The following NCOA6 variants were observed in gnomAD, a reference collection of about 807,000 sequenced individuals.
NCOA6 encodes the protein NRC RAP250.
In NCOA6, 49 loss-of-function variants were observed where a neutral mutation model predicts 171.4. The ratio of observed to expected loss-of-function variants is 0.29; its 90% confidence interval spans 0.23 to 0.36. NCOA6 has a LOEUF of 0.36. Ranked by LOEUF, NCOA6 falls within the 10% of genes least tolerant of loss-of-function variation. The probability of loss-of-function intolerance (pLI) is 1.00; values close to 1 mark genes in which losing one functional copy is unlikely to be tolerated. For synonymous variants in NCOA6, 910 were observed against 927.5 expected, an observed-to-expected ratio of 0.98 and a Z score of 0.34; for missense variants, 2,248 against 2,554.5, an observed-to-expected ratio of 0.88 and a Z score of 2.59.
rs2076121256 is a variant in NCOA6, at chr20:34,740,934, C to T, written c.5322G>A (p.Gln1774=). ...TGTTCTGATCTGCTGAGGTGTTCAC[C>T]TGAGGGCTAGCCTCATCTGGATTCA... ...KELNPDEASP[Q]VNTSADQNTL... is the part of the protein sequence containing the mutation. The change falls in exon 11 of 15, where the codon CAG becomes CAA. Residue 1774 remains glutamine, a synonymous_variant. Coordinates refer to ENST00000359003, the MANE Select transcript of NCOA6 (RefSeq NM_014071.5). The T allele has an allele frequency of 6.2e-7, 1 of 1,614,022 alleles. No individual in the cohort carries two copies. Among genetic ancestry groups the T allele is most frequent in the Non-Finnish European group, 8.5e-7 (1 of 1,180,034 alleles).
At chr20:34,761,268 T>C (rs1208271417) in intron 5 of NCOA6, among the ~76,000 whole-genome samples, 1 of 152,204 alleles carries the variant, frequency 6.6e-6, no homozygotes, top group African/African-American at 2.4e-5. Context: ...TAATTTTCAG[T>C]TGGTGTTCTT....
intron 1 of NCOA6, among the ~76,000 whole-genome samples, chr20:34,800,872 A>C (rs2146459008): frequency 6.6e-6 from 1 of 152,294 alleles, no homozygotes; most frequent in East Asian, 1.9e-4. Context: ...ACTTAATAAG[A>C]TATTTACAGA....
chr20:34,785,927 TGCTG>T (rs1031976721), intron 2 of NCOA6, among the ~76,000 whole-genome samples: 2 of 151,150 alleles, frequency 1.3e-5, no homozygotes, highest in African/African-American at 4.9e-5. Context: ...TATGAAAAAT[TGCTG>T]GCTTTCCCTC....
chr20:34,823,246 G>A (rs1601184343), intron 1 of NCOA6, among the ~76,000 whole-genome samples: 1 of 152,078 alleles, frequency 6.6e-6, no homozygotes, highest in African/African-American at 2.4e-5. Flanking sequence ...GGCTGGGCGC[G>A]GTGGCTCACG....
At chr20:34,726,360 C>T (rs1025200127) in intron 14 of NCOA6, among the ~76,000 whole-genome samples, 1 of 151,810 alleles carries the variant, frequency 6.6e-6, no homozygotes, top group African/African-American at 2.4e-5. Flanking sequence ...AGGGTCTCTA[C>T]CAAGAGAGAG....
chr20:34,754,629 A>C, intron 8 of NCOA6, 93 bp downstream of exon 8: 1 of 1,466,740 alleles, frequency 6.8e-7, no homozygotes, highest in Non-Finnish European at 9.4e-7. Context: ...GGAGAGACCA[A>C]GACTTATTAC....
intron 5 of NCOA6, among the ~76,000 whole-genome samples, chr20:34,759,624 A>C (rs2076757418): frequency 6.6e-6 from 1 of 151,974 alleles, no homozygotes; most frequent in South Asian, 2.1e-4. Flanking sequence ...TTTTTCACTT[A>C]ATGTATTTTT....
chr20:34,765,115 C>T (rs1258474446), intron 5 of NCOA6, among the ~76,000 whole-genome samples: 1 of 145,752 alleles, frequency 6.9e-6, no homozygotes, highest in Non-Finnish European at 1.5e-5. Context: ...AGTGAGACTG[C>T]TTCACAAGAA....
chr20:34,723,750 G>A (rs1285531976), intron 14 of NCOA6, among the ~76,000 whole-genome samples: 1 of 152,158 alleles, frequency 6.6e-6, no homozygotes, highest in Non-Finnish European at 1.5e-5. Context: ...CTTCTTGGCT[G>A]GTAGTTCTCT....
chr20:34,808,116 C>T (rs984416671), intron 1 of NCOA6, among the ~76,000 whole-genome samples: 33 of 151,376 alleles, frequency 2.2e-4, no homozygotes, highest in Admixed American at 1.3e-4. Context: ...TGCCACTGCA[C>T]TGCAGCCTGG....
At chr20:34,796,563 A>C (rs1313582415) in intron 1 of NCOA6, among the ~76,000 whole-genome samples, 1 of 152,176 alleles carries the variant, frequency 6.6e-6, no homozygotes, top group Non-Finnish European at 1.5e-5. Flanking sequence ...CAGAGATTAC[A>C]GCGAGCTGTG....
intron 1 of NCOA6, among the ~76,000 whole-genome samples, chr20:34,802,791 G>C (rs897640523): frequency 6.6e-6 from 1 of 152,154 alleles, no homozygotes; most frequent in African/African-American, 2.4e-5. Context: ...AAGGCAAAAT[G>C]CAAGTTGAGA....
Position 34,742,838 on chromosome 20 carries a change from C to T in NCOA6, c.3418G>A (p.Ala1140Thr). 1 of 1,614,198 alleles carries T rather than the reference C, an allele frequency of 6.2e-7. No homozygotes were observed. The highest frequency in any genetic ancestry group is 1.1e-5 in the South Asian group (1 of 91,082). The change falls in exon 11 of 15, where the codon GCA becomes ACA. Residue 1140 changes from alanine to threonine, a missense_variant. By Grantham distance (58) the Ala-to-Thr change is moderately conservative (BLOSUM62 0). This residue lies in a region of NCOA6 where 352 missense variants were observed against 419.1 expected (regional missense o/e 0.84). Coordinates refer to ENST00000359003, the MANE Select transcript of NCOA6 (RefSeq NM_014071.5). ...ASLPEASGSEAPSVPGGPNNM... is the reference protein window; with the variant it reads ...ASLPEASGSETPSVPGGPNNM... Reference sequence around the variant, plus strand: ...TTTGGGCCTCCTGGGACAGATGGTGCTTCACTGCCACTTGCTTCAGGGAGT... The same window carrying T: ...TTTGGGCCTCCTGGGACAGATGGTGTTTCACTGCCACTTGCTTCAGGGAGT...
chr20:34,790,512 G>A (rs377361250), intron 2 of NCOA6, among the ~76,000 whole-genome samples: 4 of 151,932 alleles, frequency 2.6e-5, no homozygotes, highest in African/African-American at 7.2e-5. Context: ...CCACCACTAC[G>A]CCCAGCTAAT....
chr20:34,823,909 C>A (rs2079080362), intron 1 of NCOA6, among the ~76,000 whole-genome samples: 1 of 152,130 alleles, frequency 6.6e-6, no homozygotes, highest in African/African-American at 2.4e-5. Context: ...TCTGCCAGCT[C>A]CTGGGCTCAA....
chr20:34,715,466 C>A (rs551925365), intron 14 of NCOA6, 101 bp from the exon 15 acceptor site: 2 of 839,572 alleles, frequency 2.4e-6, no homozygotes, highest in South Asian at 2.9e-5. Context: ...GGGAGCCCTA[C>A]TCAACTCAGA....
At chr20:34,800,583 A>G (rs983259541) in intron 1 of NCOA6, among the ~76,000 whole-genome samples, 5 of 152,228 alleles carry the variant, frequency 3.3e-5, no homozygotes, top group Admixed American at 6.5e-5. Context: ...GACAAAATGG[A>G]TTTCAAGACA....
At chr20:34,723,630 C>A (rs551761273) in intron 14 of NCOA6, among the ~76,000 whole-genome samples, 1 of 152,180 alleles carries the variant, frequency 6.6e-6, no homozygotes, top group Non-Finnish European at 1.5e-5. Flanking sequence ...CAAGGATGTG[C>A]CAGGCTTTCC....
Position 34,776,365 on chromosome 20 carries a change from G to T in NCOA6, c.319C>A (p.Arg107=). Residue 107 remains arginine, a synonymous_variant, in exon 4 of 15, where the codon CGG becomes AGG. Transcript: ENST00000359003. The stretch of plus-strand genomic sequence containing the variant: ...TTGCTCTGAGCAAGGATCCGTAGCC[G>T]CTCCGCTGCTTCCCGGGGGATGTTG... The part of the protein sequence containing the change: ...TFNIPREAAE[R]LRILAQSNNQ... 5.0e-6 allele frequency: 8 copies of T among 1,614,136 alleles called. No homozygotes were observed. Among genetic ancestry groups the T allele is most frequent in the Non-Finnish European group, 5.9e-6 (7 of 1,180,032 alleles).
Sources: gnomAD v4.1 joint callset for allele counts (sites outside exome capture counted in the v4.1 genomes callset) on GRCh38, gnomAD v4.1.1 for gene constraint, gnomAD v4.1.1 regional missense constraint, MANE v1.5 for transcripts, NCBI Gene and HGNC (gene_info 2026-07-23, HGNC 2026-07-21) for gene names.